Variants in SMYD3 observed in about 807,000 individuals in gnomAD.
SMYD3 encodes the protein histone-lysine N-methyltransferase SMYD3.
A neutral mutation model predicts 57.7 loss-of-function variants in SMYD3; 36 were observed. That is an observed-to-expected ratio of 0.62 (90% CI 0.48 to 0.82). The LOEUF (loss-of-function observed/expected upper bound fraction) is 0.82. SMYD3 is among the 40% of genes least tolerant of loss of function. SMYD3 has a pLI of 0.00. For synonymous variants in SMYD3, 211 were observed against 195.0 expected, an observed-to-expected ratio of 1.08 and a Z score of -0.68; for missense variants, 515 against 538.8, an observed-to-expected ratio of 0.96 and a Z score of 0.44.
At chr1:246,146,572 G>A (rs760335274) in intron 5 of SMYD3, among the ~76,000 whole-genome samples, 28 of 152,184 alleles carry the variant, frequency 1.8e-4, no homozygotes, top group Admixed American at 5.9e-4. Context: ...CCGGTGCAGG[G>A]TAAGGCATAA....
At chr1:245,860,225 T>A (rs1011310805) in intron 9 of SMYD3, among the ~76,000 whole-genome samples, 1 of 151,952 alleles carries the variant, frequency 6.6e-6, no homozygotes, top group Non-Finnish European at 1.5e-5. Context: ...CTCTGTGCCA[T>A]CCCCTGCCCC....
chr1:245,934,024 A>C (rs1180697523), intron 5 of SMYD3, among the ~76,000 whole-genome samples: 1 of 152,204 alleles, frequency 6.6e-6, no homozygotes, highest in Non-Finnish European at 1.5e-5. Context: ...ACAAATTTTA[A>C]AACACATTTA....
intron 8 of SMYD3, among the ~76,000 whole-genome samples, chr1:245,908,892 A>G (rs944726223): frequency 6.6e-6 from 1 of 152,308 alleles, no homozygotes. Context: ...AAGTCTAACA[A>G]TGTATCTCAA....
In SMYD3 at chr1:246,327,231, A is replaced by C; in HGVS notation, c.501T>G (p.Pro167=). The change falls in exon 5 of 12, where the codon CCT becomes CCG. Residue 167 remains proline (P), a synonymous_variant. Transcript: ENST00000490107. ...EEIQDASQLP[P]AFDLFEAFAK... ...CAAAGGCTTCAAAAAGGTCAAAGGC[A>C]GGTGGCAGCTGAGAGGCATCCTGTA... is the stretch of plus-strand genomic sequence containing the variant. 6.2e-7 allele frequency: 1 copy of C among 1,614,166 alleles called. No homozygotes were observed.
chr1:246,333,476 C>A (rs2065493768), intron 3 of SMYD3, among the ~76,000 whole-genome samples: 1 of 152,108 alleles, frequency 6.6e-6, no homozygotes. Flanking sequence ...CTTACAGAAT[C>A]GAAGAAAATA....
chr1:246,349,024 CTT>C (rs1436247944), intron 2 of SMYD3, among the ~76,000 whole-genome samples: 1 of 151,986 alleles, frequency 6.6e-6, no homozygotes, highest in African/African-American at 2.4e-5. Flanking sequence ...AAAATAAAGA[CTT>C]TTTCAGGAAA....
At chr1:246,137,517 T>C (rs1032870341) in intron 5 of SMYD3, among the ~76,000 whole-genome samples, 10 of 152,280 alleles carry the variant, frequency 6.6e-5, no homozygotes, top group African/African-American at 2.4e-4. Context: ...ATTTTCAAGG[T>C]TCATTAAGTT....
intron 5 of SMYD3, among the ~76,000 whole-genome samples, chr1:246,007,853 C>T (rs1294616817): frequency 6.7e-6 from 1 of 148,972 alleles, no homozygotes; most frequent in Non-Finnish European, 1.5e-5. Context: ...AAAAAATATA[C>T]TGTGGGGCAA....
At chr1:245,774,211 C>G (rs926896430) in intron 10 of SMYD3, among the ~76,000 whole-genome samples, 2 of 152,242 alleles carry the variant, frequency 1.3e-5, no homozygotes, top group African/African-American at 4.8e-5. Flanking sequence ...CTCCTCTGCT[C>G]TGTGGGACTT....
At chr1:246,062,330 A>C (rs917098940) in intron 5 of SMYD3, among the ~76,000 whole-genome samples, 3 of 152,186 alleles carry the variant, frequency 2.0e-5, no homozygotes, top group Non-Finnish European at 4.4e-5. Flanking sequence ...TCTGCGAGAA[A>C]AAACATCCAT....
At chr1:246,145,790 C>G (rs1425789655) in intron 5 of SMYD3, among the ~76,000 whole-genome samples, 1 of 152,198 alleles carries the variant, frequency 6.6e-6, no homozygotes, top group Non-Finnish European at 1.5e-5. Context: ...TAATGCCTGG[C>G]ACAAACTAAG....
intron 1 of SMYD3, among the ~76,000 whole-genome samples, chr1:246,484,234 CACTA>C (rs2068153122): frequency 4.2e-5 from 2 of 47,270 alleles, no homozygotes; most frequent in Admixed American, 3.2e-4. Context: ...TAAACCACTG[CACTA>C]GTTACACCTA....
At chr1:246,494,482 C>T (rs986417518) in intron 1 of SMYD3, among the ~76,000 whole-genome samples, 1 of 152,090 alleles carries the variant, frequency 6.6e-6, no homozygotes, top group Non-Finnish European at 1.5e-5. Flanking sequence ...TTTTTAAATT[C>T]CACAGGTAAA....
chr1:246,230,385 G>A (rs191990281), intron 5 of SMYD3, among the ~76,000 whole-genome samples: 22 of 152,108 alleles, frequency 1.4e-4, no homozygotes, highest in African/African-American at 4.3e-4. Context: ...GAAAATAAGC[G>A]AAAATAAATT....
In SMYD3 at chr1:245,794,233, T is replaced by C. The variant is rs1572352536; in HGVS notation, c.1077-30084A>G. Among the ~76,000 whole-genome samples, 2 of 152,260 alleles carry C rather than the reference T, an allele frequency of 1.3e-5. 1 individual carries two copies. The highest frequency in any genetic ancestry group is 3.8e-4 in the East Asian group (2 of 5,206). ...TTCTACGCATTCTACAACTTCTCTCTGGGTTTACTTTTCTTGTAATACACA... is the reference window on the plus strand; with the variant it reads ...TTCTACGCATTCTACAACTTCTCTCCGGGTTTACTTTTCTTGTAATACACA... On this transcript the variant is annotated intron_variant, in intron 10 of 11. Transcript: ENST00000490107.
intron 8 of SMYD3, among the ~76,000 whole-genome samples, chr1:245,871,959 C>T (rs940332908): frequency 2.0e-5 from 3 of 152,178 alleles, no homozygotes; most frequent in African/African-American, 4.8e-5. Flanking sequence ...GACCCCACAT[C>T]TCTGCACATC....
At chr1:246,363,684 T>G (rs201747351) in intron 1 of SMYD3, among the ~76,000 whole-genome samples, 31,997 of 149,392 alleles carry the variant, frequency 0.21, 3,492 homozygotes, top group East Asian at 0.3. Flanking sequence ...GATTAAGGGC[T>G]GTGCAAGATG....
At position 245,781,094 on chromosome 1, in the gene SMYD3, GTATGAA is replaced by G. The variant is rs1195442463; in HGVS notation, c.1077-16951_1077-16946del. Reference sequence around the variant, plus strand: ...TGTGGTTACCTGGAGCTGGGTATGGGTATGAACTGACTGCAAACAGGCCTCAGGAAA... The same window carrying G: ...TGTGGTTACCTGGAGCTGGGTATGGGCTGACTGCAAACAGGCCTCAGGAAA... On this transcript the variant is annotated intron_variant, in intron 10 of 11. Coordinates refer to ENST00000490107, the MANE Select transcript of SMYD3 (RefSeq NM_001167740.2). 2.6e-5 allele frequency among the ~76,000 whole-genome samples: 4 copies of G among 152,168 alleles called. 1 individual carries two copies.
chr1:245,881,903 G>C (rs1478499510), intron 8 of SMYD3, among the ~76,000 whole-genome samples: 1 of 152,166 alleles, frequency 6.6e-6, no homozygotes, highest in African/African-American at 2.4e-5. Context: ...CCCAGGACAA[G>C]AAAGAGCTCG....
Sources: gnomAD v4.1 joint callset for allele counts (sites outside exome capture counted in the v4.1 genomes callset) on GRCh38, gnomAD v4.1.1 for gene constraint, MANE v1.5 for transcripts, NCBI Gene and HGNC (gene_info 2026-07-23, HGNC 2026-07-21) for gene names.